The following KSR2 variants were observed in gnomAD, a reference collection of about 807,000 sequenced individuals.
KSR2 encodes kinase suppressor of ras 2.
KSR2 carries 25 observed loss-of-function variants against 107.8 expected under a neutral mutation model. The ratio of observed to expected loss-of-function variants is 0.23; its 90% CI spans 0.17 to 0.32. KSR2 has a LOEUF of 0.32. Among genes scored for constraint, KSR2 ranks in the 10% least tolerant of loss-of-function variants. The probability of loss-of-function intolerance (pLI) is 1.00; values close to 1 mark genes in which losing one functional copy is unlikely to be tolerated. For missense variants in KSR2, 887 were observed against 1,268.9 expected (o/e 0.70, Z 4.57); for synonymous variants, 480 against 507.0 (o/e 0.95, Z 0.71).
intron 3 of KSR2, among the ~76,000 whole-genome samples, chr12:117,771,869 C>T (rs28713476): frequency 0.57 from 86,329 of 150,764 alleles, 26,313 homozygotes; most frequent in African/African-American, 0.78. Flanking sequence ...ACACATACCA[C>T]TCCCCCAAAG....
At chr12:117,934,519 C>T (rs527337467) in intron 1 of KSR2, among the ~76,000 whole-genome samples, 2 of 152,252 alleles carry the variant, frequency 1.3e-5, no homozygotes, top group African/African-American at 4.8e-5. Context: ...GTAGACAAGG[C>T]TTTGCTTTGT....
At chr12:117,499,891 AC>A (rs1278653316) in intron 14 of KSR2, among the ~76,000 whole-genome samples, 1 of 152,200 alleles carries the variant, frequency 6.6e-6, no homozygotes, top group East Asian at 1.9e-4. Context: ...CCAAAAGGGC[AC>A]AGGAAGGGAG....
At chr12:117,651,111 T>C (rs1464809479) in intron 5 of KSR2, among the ~76,000 whole-genome samples, 1 of 152,162 alleles carries the variant, frequency 6.6e-6, no homozygotes, top group Admixed American at 6.5e-5. Context: ...TGATGGACCC[T>C]TTTTGCCAGA....
chr12:117,707,006 A>T (rs1161879007), intron 4 of KSR2, among the ~76,000 whole-genome samples: 1 of 152,240 alleles, frequency 6.6e-6, no homozygotes, highest in Non-Finnish European at 1.5e-5. Flanking sequence ...GCATGTATGT[A>T]TATATGTATG....
intron 4 of KSR2, among the ~76,000 whole-genome samples, chr12:117,682,906 A>T (rs1885428897): frequency 6.6e-6 from 1 of 152,134 alleles, no homozygotes; most frequent in Middle Eastern, 3.4e-3. Flanking sequence ...GGTTGGAGGG[A>T]GGGGACTCAG....
At chr12:117,723,375 T>C (rs2136695658) in intron 4 of KSR2, among the ~76,000 whole-genome samples, 1 of 152,268 alleles carries the variant, frequency 6.6e-6, no homozygotes, top group Non-Finnish European at 1.5e-5. Flanking sequence ...TTCCCAAGCA[T>C]GATATACCTG....
intron 1 of KSR2, among the ~76,000 whole-genome samples, chr12:117,927,448 T>C (rs549532308): frequency 1.7e-4 from 26 of 151,328 alleles, no homozygotes; most frequent in African/African-American, 5.6e-4. Flanking sequence ...TCCCAGCATT[T>C]TGGGAGGCCG....
At chr12:117,849,306 C>A (rs1448720169) in intron 3 of KSR2, among the ~76,000 whole-genome samples, 1 of 152,104 alleles carries the variant, frequency 6.6e-6, no homozygotes, top group African/African-American at 2.4e-5. Flanking sequence ...GTGCCCCAGC[C>A]CCCCACACTA....
chr12:117,834,076 G>C (rs145372273), intron 3 of KSR2, among the ~76,000 whole-genome samples: 2,732 of 151,984 alleles, frequency 0.018, 46 homozygotes, highest in Middle Eastern at 0.051. Flanking sequence ...GGCAGGCAAA[G>C]GTTGCAGTGA....
intron 3 of KSR2, among the ~76,000 whole-genome samples, chr12:117,767,597 C>A (rs1435548050): frequency 6.6e-6 from 1 of 151,272 alleles, no homozygotes; most frequent in Non-Finnish European, 1.5e-5. Flanking sequence ...GCCAGAAGTT[C>A]AACATGGCGA....
intron 3 of KSR2, among the ~76,000 whole-genome samples, chr12:117,845,695 T>C (rs1039556867): frequency 1.3e-5 from 2 of 151,018 alleles, no homozygotes; most frequent in Admixed American, 6.6e-5. Flanking sequence ...TTTTTTTTTT[T>C]CCTGAGACAG....
rs796586442 is a variant in KSR2 at position 117,794,673 on chromosome 12, ACACT to A, written c.473-33153_473-33150del. On this transcript the variant is annotated intron_variant, in intron 3 of 19. Coordinates refer to ENST00000339824, the MANE Select transcript of KSR2 (RefSeq NM_173598.6). Reference sequence around the variant, plus strand: ...TCAAAACACTCACACCAATATGCACACACTCATACCAACAGGCACACACACACCA... The same window carrying A: ...TCAAAACACTCACACCAATATGCACACATACCAACAGGCACACACACACCA... 8.0e-3 allele frequency among the ~76,000 whole-genome samples: 1,211 copies of A among 150,838 alleles called. 24 individuals are homozygous for A. Among genetic ancestry groups the A allele is most frequent in the African/African-American group, 0.028 (1,135 of 41,016 alleles).
intron 5 of KSR2, among the ~76,000 whole-genome samples, chr12:117,654,705 T>G (rs955532376): frequency 2.6e-5 from 4 of 152,184 alleles, no homozygotes; most frequent in African/African-American, 9.7e-5. Flanking sequence ...CAAAGAAATT[T>G]GGGGAAGAGG....
At chr12:117,885,822 G>C (rs140294063) in intron 1 of KSR2, among the ~76,000 whole-genome samples, 1 of 152,060 alleles carries the variant, frequency 6.6e-6, no homozygotes, top group Admixed American at 6.6e-5. Flanking sequence ...CTGGCCGGGC[G>C]CGGTGGCTCA....
chr12:117,753,909 A>C (rs1411086038), intron 4 of KSR2, among the ~76,000 whole-genome samples: 1 of 151,404 alleles, frequency 6.6e-6, no homozygotes, highest in East Asian at 1.9e-4. Context: ...CAACTTCCAC[A>C]ATAATCAATC....
intron 3 of KSR2, among the ~76,000 whole-genome samples, chr12:117,772,359 A>G (rs1435943911): frequency 2.8e-5 from 4 of 144,664 alleles, no homozygotes; most frequent in African/African-American, 1.1e-4. Context: ...CCAAAGACGC[A>G]CACACACTCA....
At chr12:117,556,770 C>T (rs564355161) in intron 8 of KSR2, among the ~76,000 whole-genome samples, 1 of 152,314 alleles carries the variant, frequency 6.6e-6, no homozygotes. Context: ...CCTAAAGTTG[C>T]TCCCTGGTGA....
chr12:117,698,929 A>G (rs1385431147), intron 4 of KSR2, among the ~76,000 whole-genome samples: 3 of 152,152 alleles, frequency 2.0e-5, no homozygotes, highest in Admixed American at 2.0e-4. Context: ...CTTCCTGTAG[A>G]AATCCCCATG....
intron 14 of KSR2, among the ~76,000 whole-genome samples, chr12:117,495,568 C>T (rs1872975489): frequency 6.6e-6 from 1 of 152,232 alleles, no homozygotes; most frequent in Admixed American, 6.5e-5. Context: ...GCCTGCCAGG[C>T]ATCAGAATAT....
Sources: allele counts gnomAD v4.1 joint callset (sites outside exome capture counted in the v4.1 genomes callset), GRCh38; gene constraint gnomAD v4.1.1; transcripts MANE v1.5; gene names NCBI Gene and HGNC (gene_info 2026-07-23, HGNC 2026-07-21).